Variants in HCRTR2 observed in about 807,000 individuals in gnomAD.
HCRTR2 encodes the protein hypocretin receptor 2, also known as orexin receptor type 2.
A neutral mutation model predicts 49.0 loss-of-function variants in HCRTR2; 22 were observed. That is an observed-to-expected ratio of 0.45 (90% confidence interval 0.32 to 0.64). The LOEUF is 0.64. HCRTR2 is among the 30% of genes least tolerant of loss of function. The pLI, the probability that HCRTR2 is intolerant of heterozygous loss-of-function variation, is 0.04. For synonymous variants in HCRTR2, 236 were observed against 205.3 expected (o/e 1.15, Z -1.28); for missense variants, 491 against 559.4 (o/e 0.88, Z 1.23).
At chr6:55,225,851 A>G (rs770525046) in intron 1 of HCRTR2, among the ~76,000 whole-genome samples, 3 of 152,232 alleles carry the variant, frequency 2.0e-5, no homozygotes, top group African/African-American at 7.2e-5. Context: ...TGCCTGGCAC[A>G]TTCTTCACAT....
chr6:55,225,052 A>G (rs375537166), intron 1 of HCRTR2, among the ~76,000 whole-genome samples: 4 of 152,188 alleles, frequency 2.6e-5, no homozygotes, highest in Non-Finnish European at 4.4e-5. Flanking sequence ...ACATTTTTTA[A>G]TTAGCTCCCT....
In HCRTR2 at chr6:55,176,512, T is replaced by C. The variant is rs146746827; in HGVS notation, c.223+1702T>C. The stretch of plus-strand genomic sequence containing the variant: ...TTTTACTGCATTATGCCAACACTTA[T>C]TGATAAGTGAATAATCAAAATTGAA... On this transcript the variant is annotated intron_variant, in intron 1 of 6. Coordinates refer to ENST00000370862, the MANE Select transcript of HCRTR2 (RefSeq NM_001384272.1). 5.4e-4 allele frequency among the ~76,000 whole-genome samples: 82 copies of C among 152,296 alleles called. 1 individual carries two copies. The East Asian group carries it at 0.016, about 29-fold the overall frequency.
At chr6:55,187,625 G>A (rs73434713) in intron 1 of HCRTR2, among the ~76,000 whole-genome samples, 8,153 of 144,284 alleles carry the variant, frequency 0.057, 344 homozygotes, top group African/African-American at 0.12. Flanking sequence ...AAAAGTGTTT[G>A]TCATACCTAT....
chr6:55,193,210 A>G (rs1349163303), intron 1 of HCRTR2, among the ~76,000 whole-genome samples: 1 of 152,208 alleles, frequency 6.6e-6, no homozygotes, highest in African/African-American at 2.4e-5. Flanking sequence ...CCTCAAGGAC[A>G]TGACAGCATC....
chr6:55,141,921 A>G (rs1764512845), intron 1 of HCRTR2, among the ~76,000 whole-genome samples: 1 of 152,226 alleles, frequency 6.6e-6, no homozygotes, highest in African/African-American at 2.4e-5. Context: ...ATTATTCTTC[A>G]TAAATTAAAG....
chr6:55,255,108 C>G (rs201029325), intron 2 of HCRTR2, 28 bp from the exon 3 acceptor site: 165 of 1,612,596 alleles, frequency 1.0e-4, no homozygotes, highest in Non-Finnish European at 1.3e-4. Flanking sequence ...TGGTGCTTCT[C>G]TATTACTATG....
chr6:55,120,680 C>T (rs770738304), intron 1 of HCRTR2, among the ~76,000 whole-genome samples: 22 of 151,784 alleles, frequency 1.4e-4, no homozygotes, highest in Non-Finnish European at 2.6e-4. Context: ...TCTAAATATA[C>T]AATCATGTCA....
intron 1 of HCRTR2, among the ~76,000 whole-genome samples, chr6:55,199,810 T>C (rs1308298913): frequency 1.3e-5 from 2 of 152,220 alleles, no homozygotes; most frequent in Non-Finnish European, 2.9e-5. Flanking sequence ...GTTTCTCCCT[T>C]GTTTGCATGA....
At chr6:55,280,171 T>C (rs1767161045) in intron 5 of HCRTR2, 152 bp from the exon 6 acceptor site, 1 of 611,688 alleles carries the variant, frequency 1.6e-6, no homozygotes, top group Admixed American at 2.9e-5. Context: ...GCACTGAAGT[T>C]ATTCTAAACC....
chr6:55,188,823 G>T (rs1186090685), intron 1 of HCRTR2, among the ~76,000 whole-genome samples: 2 of 152,164 alleles, frequency 1.3e-5, no homozygotes, highest in Non-Finnish European at 2.9e-5. Context: ...AAATATAAGA[G>T]TTGGGTTTGA....
intron 1 of HCRTR2, among the ~76,000 whole-genome samples, chr6:55,121,873 T>C (rs1006794944): frequency 3.3e-5 from 5 of 152,190 alleles, no homozygotes; most frequent in Admixed American, 1.3e-4. Context: ...CAGTATTTTA[T>C]TGAGGATTTT....
chr6:55,148,932 C>T (rs540182560), intron 1 of HCRTR2, among the ~76,000 whole-genome samples: 1 of 152,158 alleles, frequency 6.6e-6, no homozygotes, highest in South Asian at 2.1e-4. Context: ...ATGACTAATT[C>T]TGATACTTTC....
intron 1 of HCRTR2, among the ~76,000 whole-genome samples, chr6:55,243,321 A>C (rs909092659): frequency 6.6e-6 from 1 of 152,104 alleles, no homozygotes; most frequent in African/African-American, 2.4e-5. Flanking sequence ...ACTAACCATA[A>C]ATTGACTTTA....
intron 1 of HCRTR2, among the ~76,000 whole-genome samples, chr6:55,143,436 G>C (rs982073859): frequency 6.6e-6 from 1 of 152,084 alleles, no homozygotes; most frequent in African/African-American, 2.4e-5. Context: ...TGCCTTCCCT[G>C]CAAGATTAAA....
chr6:55,269,961 T>A (rs1355977178), intron 4 of HCRTR2, among the ~76,000 whole-genome samples: 1 of 151,822 alleles, frequency 6.6e-6, no homozygotes, highest in African/African-American at 2.4e-5. Flanking sequence ...TAGACTCTTG[T>A]CAAAACAAAA....
intron 1 of HCRTR2, among the ~76,000 whole-genome samples, chr6:55,133,900 C>T (rs759103328): frequency 1.3e-5 from 2 of 151,670 alleles, no homozygotes; most frequent in Non-Finnish European, 3.0e-5. Flanking sequence ...ATTGCCATAA[C>T]ATAGTATAAA....
chr6:55,148,110 T>G (rs1191145404), intron 1 of HCRTR2, among the ~76,000 whole-genome samples: 1 of 152,178 alleles, frequency 6.6e-6, no homozygotes, highest in Non-Finnish European at 1.5e-5. Flanking sequence ...AAACCAAGGT[T>G]TATAGTACCT....
chr6:55,170,372 A>G (rs540869867), upstream of HCRTR2, among the ~76,000 whole-genome samples: 1 of 150,508 alleles, frequency 6.6e-6, no homozygotes, highest in Non-Finnish European at 1.5e-5. Context: ...ATATTTTGTT[A>G]CACGCATAGA....
intron 1 of HCRTR2, among the ~76,000 whole-genome samples, chr6:55,209,896 T>C (rs1056742726): frequency 2.0e-5 from 3 of 152,206 alleles, no homozygotes; most frequent in African/African-American, 7.2e-5. Context: ...ACATTTAATG[T>C]CATTTGCGTC....
Sources: gnomAD v4.1 joint callset for allele counts (sites outside exome capture counted in the v4.1 genomes callset) on GRCh38, gnomAD v4.1.1 for gene constraint, MANE v1.5 for transcripts, NCBI Gene and HGNC (gene_info 2026-07-23, HGNC 2026-07-21) for gene names.